Variants in RP1 observed in about 807,000 individuals in gnomAD.
The protein encoded by RP1 is RP1 axonemal microtubule associated, also known as oxygen-regulated protein 1.
RP1 carries 16 observed loss-of-function variants against 14.8 expected under a neutral mutation model. That is an observed-to-expected ratio of 1.08 (90% CI 0.73 to 1.65). The LOEUF (loss-of-function observed/expected upper bound fraction) is 1.65, where lower values mean the gene tolerates loss of function less well. Among genes scored for constraint, RP1 ranks in the 40% most tolerant of loss-of-function variants. RP1 has a pLI of 0.00. For missense variants in RP1, 2,631 were observed against 2,535.0 expected (o/e 1.04, Z -0.81); for synonymous variants, 876 against 883.6 (o/e 0.99, Z 0.15).
intron 25 of RP1, among the ~76,000 whole-genome samples, chr8:54,843,603 C>T (rs968975994): frequency 4.6e-5 from 7 of 152,162 alleles, no homozygotes; most frequent in East Asian, 1.9e-4. Flanking sequence ...ACAATGAGTG[C>T]TCTGAGAGCT....
At chr8:54,584,666 T>C (rs900281441) in intron 1 of RP1, among the ~76,000 whole-genome samples, 5 of 152,210 alleles carry the variant, frequency 3.3e-5, no homozygotes, top group African/African-American at 1.2e-4. Context: ...AAGGACTTGC[T>C]TTATGAATCT....
intron 14 of RP1, among the ~76,000 whole-genome samples, chr8:54,702,215 G>A (rs546709098): frequency 3.3e-5 from 5 of 152,018 alleles, no homozygotes; most frequent in African/African-American, 7.2e-5. Context: ...TATTTGAAAC[G>A]CGAAGGAAAA....
chr8:54,801,186 G>T (rs1223287494), intron 24 of RP1, among the ~76,000 whole-genome samples: 2 of 152,090 alleles, frequency 1.3e-5, no homozygotes, highest in Non-Finnish European at 2.9e-5. Flanking sequence ...TTCCCAATTG[G>T]CTTGGGTCTG....
chr8:54,674,030 G>T, intron 8 of RP1: 1 of 859,732 alleles, frequency 1.2e-6, no homozygotes, highest in South Asian at 1.6e-5. Context: ...GGTAGAAAAT[G>T]GATCTCTATG....
At chr8:54,750,587 G>T (rs1357221478) in intron 19 of RP1, among the ~76,000 whole-genome samples, 1 of 121,550 alleles carries the variant, frequency 8.2e-6, no homozygotes, top group Non-Finnish European at 1.7e-5. Flanking sequence ...GCCCTAATCA[G>T]CACTCTGTAG....
chr8:54,779,945 C>T (rs772531770), intron 23 of RP1, among the ~76,000 whole-genome samples: 6 of 152,206 alleles, frequency 3.9e-5, no homozygotes, highest in Non-Finnish European at 8.8e-5. Context: ...AACTCAGTGG[C>T]TGAAAACAAT....
At position 54,621,252 on chromosome 8, in the gene RP1, G is replaced by A. The variant is rs147783722; in HGVS notation, c.286G>A (p.Glu96Lys). Residue 96 changes from glutamate (E) to lysine (K), a missense_variant, in exon 2 of 4, where the codon GAG (glutamate) becomes AAG (lysine). By Grantham distance (56) the Glu-to-Lys change is moderately conservative. Coordinates refer to ENST00000220676, the MANE Select transcript of RP1 (RefSeq NM_006269.2). ...PRGRHSITRL[E>K]ELEDGESYLC... is the part of the protein sequence containing the mutation. ...GGGCAGGCACAGCATCACGCGCCTG[G>A]AGGAGCTGGAGGACGGCGAGTCCTA... 5 of 1,614,134 alleles carry A rather than the reference G, an allele frequency of 3.1e-6. No individual in the cohort carries two copies. The highest frequency in any genetic ancestry group is 4.2e-6 in the Non-Finnish European group (5 of 1,180,022).
intron 24 of RP1, among the ~76,000 whole-genome samples, chr8:54,796,156 C>G (rs1424687816): frequency 6.6e-6 from 1 of 152,136 alleles, no homozygotes; most frequent in East Asian, 1.9e-4. Flanking sequence ...ATTTTAGCTT[C>G]TTGACCACCT....
intron 14 of RP1, among the ~76,000 whole-genome samples, chr8:54,704,743 C>T (rs1411928801): frequency 6.6e-6 from 1 of 152,076 alleles, no homozygotes; most frequent in Non-Finnish European, 1.5e-5. Context: ...ACTATTTCTC[C>T]CAAAGCAACA....
intron 24 of RP1, among the ~76,000 whole-genome samples, chr8:54,823,171 G>A (rs796229690): frequency 1.1e-4 from 16 of 152,056 alleles, no homozygotes; most frequent in African/African-American, 3.1e-4. Flanking sequence ...AGCCCTCCCC[G>A]GTGGGTGCTG....
intron 19 of RP1, among the ~76,000 whole-genome samples, chr8:54,747,637 A>C (rs1379396055): frequency 5.3e-5 from 8 of 152,256 alleles, no homozygotes; most frequent in Non-Finnish European, 1.2e-4. Flanking sequence ...GCATTGGCTC[A>C]TGCCTGTAAT....
rs538563861 is a variant in RP1, at chr8:54,809,074, C to T, written c.3615+25364C>T. Among the ~76,000 whole-genome samples, 8 of 152,322 alleles carry T rather than the reference C, an allele frequency of 5.3e-5. No individual in the cohort carries two copies. The East Asian group carries it at 1.3e-3, about 26-fold the overall frequency. ...CAAATAATTTCACTTGGCACTTCAACCTATGTTCCTTAACAATTTAGCTAT... is the reference window on the plus strand; with the variant it reads ...CAAATAATTTCACTTGGCACTTCAATCTATGTTCCTTAACAATTTAGCTAT... On this transcript the variant is annotated intron_variant, in intron 24 of 28. Transcript: ENST00000637698.
intron 22 of RP1, among the ~76,000 whole-genome samples, chr8:54,768,046 C>A (rs1163966668): frequency 6.6e-6 from 1 of 152,232 alleles, no homozygotes; most frequent in Admixed American, 6.5e-5. Flanking sequence ...AGCTCAGACT[C>A]TTAAGTTCCT....
intron 24 of RP1, among the ~76,000 whole-genome samples, chr8:54,836,485 T>C (rs1811659236): frequency 6.6e-6 from 1 of 152,198 alleles, no homozygotes; most frequent in African/African-American, 2.4e-5. Context: ...AGCAAACATT[T>C]TTCTCCCAAT....
intron 6 of RP1, among the ~76,000 whole-genome samples, chr8:54,659,970 T>A (rs937200686): frequency 1.3e-5 from 2 of 152,188 alleles, no homozygotes; most frequent in African/African-American, 4.8e-5. Flanking sequence ...TTGTTTTTGG[T>A]GCTATTGTAA....
At chr8:54,632,943 G>A (rs544168569), downstream of RP1, among the ~76,000 whole-genome samples, 1 of 152,212 alleles carries the variant, frequency 6.6e-6, no homozygotes, top group South Asian at 2.1e-4. Context: ...AAGATATGTA[G>A]AATTCAGTCT....
chr8:54,601,337 C>T (rs1197810625), intron 1 of RP1, among the ~76,000 whole-genome samples: 1 of 151,086 alleles, frequency 6.6e-6, no homozygotes, highest in Non-Finnish European at 1.5e-5. Context: ...AAACCAAACA[C>T]CGCATATTCT....
At chr8:54,866,554 C>T (rs953625960) in intron 28 of RP1, among the ~76,000 whole-genome samples, 3 of 152,130 alleles carry the variant, frequency 2.0e-5, no homozygotes, top group South Asian at 2.1e-4. Flanking sequence ...ATCAAATGCA[C>T]CTTAAAACAA....
chr8:54,734,824 G>A, intron 18 of RP1: 1 of 1,208,952 alleles, frequency 8.3e-7, no homozygotes, highest in South Asian at 2.0e-5. Flanking sequence ...GTGTGTGTGT[G>A]TGTGTGTCTC....
Sources: allele counts gnomAD v4.1 joint callset (sites outside exome capture counted in the v4.1 genomes callset), GRCh38; gene constraint gnomAD v4.1.1; transcripts MANE v1.5; gene names NCBI Gene and HGNC (gene_info 2026-07-23, HGNC 2026-07-21).